Variants in MTUS1 observed in about 807,000 individuals in gnomAD.
MTUS1 encodes the protein microtubule-associated tumor suppressor 1.
Under a neutral mutation model 120.8 loss-of-function variants are expected in MTUS1, and 109 were observed. That is an observed-to-expected ratio of 0.90 (90% CI 0.77 to 1.06). The LOEUF is 1.06. Among genes scored for constraint, MTUS1 ranks in the 50% least tolerant of loss-of-function variants. MTUS1 has a pLI of 0.00. For missense variants in MTUS1, 2,210 were observed against 1,486.3 expected, an observed-to-expected ratio of 1.49 and a Z score of -8.01; for synonymous variants, 737 against 550.5, an observed-to-expected ratio of 1.34 and a Z score of -4.74.
chr8:17,756,354 C>T (rs1391291403), intron 1 of MTUS1, among the ~76,000 whole-genome samples: 1 of 152,152 alleles, frequency 6.6e-6, no homozygotes, highest in Non-Finnish European at 1.5e-5. Context: ...CAAAGTATGT[C>T]TGTTGTCCCA....
intron 2 of MTUS1, among the ~76,000 whole-genome samples, chr8:17,752,736 T>A (rs1032083900): frequency 6.6e-6 from 1 of 152,148 alleles, no homozygotes; most frequent in Non-Finnish European, 1.5e-5. Context: ...GGACAGGCTG[T>A]CTGTGTCACA....
intron 1 of MTUS1, among the ~76,000 whole-genome samples, chr8:17,790,330 A>G (rs1230124341): frequency 1.4e-5 from 2 of 145,264 alleles, no homozygotes; most frequent in African/African-American, 2.5e-5. Flanking sequence ...CCTGGGTGAC[A>G]GAGCAAGATT....
At chr8:17,758,553 C>T (rs1340468246) in intron 1 of MTUS1, among the ~76,000 whole-genome samples, 1 of 152,160 alleles carries the variant, frequency 6.6e-6, no homozygotes, top group East Asian at 1.9e-4. Context: ...GTATAAAATA[C>T]ATCCAAGCTA....
At position 17,645,065 on chromosome 8, in the gene MTUS1, AGTTAGTTT is replaced by A. The variant is rs951026769; in HGVS notation, c.*853_*860del. 11 of 151,558 alleles carry A rather than the reference AGTTAGTTT, an allele frequency of 7.3e-5. No individual in the cohort carries two copies. Among genetic ancestry groups the A allele is most frequent in the South Asian group, 4.2e-4 (2 of 4,774 alleles). 9.4% of individuals were successfully genotyped at this position (151,558 alleles called of 1,614,324 possible). A position where few individuals can be genotyped will look rare whatever the true frequency, so the allele number is the denominator to read the frequency against. ...TTTTTCTTTCTTTACACAGTTAGTT[AGTTAGTTT>A]GTTTTTTTATAGAAAAATTAGGGTT... On this transcript the variant is annotated 3_prime_UTR_variant, in exon 15 of 15. Transcript: ENST00000693296.
intron 8 of MTUS1, among the ~76,000 whole-genome samples, chr8:17,665,239 C>A (rs1332742764): frequency 6.6e-6 from 1 of 152,154 alleles, no homozygotes; most frequent in South Asian, 2.1e-4. Context: ...TCTGATTACT[C>A]CTGGGCATTA....
At chr8:17,674,993 A>C (rs1563179635) in intron 8 of MTUS1, 193 bp downstream of exon 8, 1 of 1,402,998 alleles carries the variant, frequency 7.1e-7, no homozygotes, top group African/African-American at 1.4e-5. Context: ...CAGTGCCAGG[A>C]ATTCTGTGAA....
At chr8:17,674,156 G>A (rs550722624) in intron 8 of MTUS1, among the ~76,000 whole-genome samples, 4 of 152,212 alleles carry the variant, frequency 2.6e-5, no homozygotes, top group East Asian at 3.9e-4. Context: ...AGGGAGTGTC[G>A]GCTGGGTGCG....
At chr8:17,649,537 G>A (rs1806530566) in intron 13 of MTUS1, among the ~76,000 whole-genome samples, 1 of 152,118 alleles carries the variant, frequency 6.6e-6, no homozygotes, top group Non-Finnish European at 1.5e-5. Flanking sequence ...ATTTTACATA[G>A]ATATTTAAAC....
At chr8:17,647,944 A>C (rs543530360) in intron 13 of MTUS1, among the ~76,000 whole-genome samples, 1 of 152,296 alleles carries the variant, frequency 6.6e-6, no homozygotes, top group East Asian at 1.9e-4. Context: ...GATTGTTCTT[A>C]AGACATCCTG....
chr8:17,666,274 T>C (rs892167866), intron 8 of MTUS1, among the ~76,000 whole-genome samples: 11 of 140,624 alleles, frequency 7.8e-5, no homozygotes, highest in African/African-American at 2.9e-4. Flanking sequence ...AATCAAGAGT[T>C]TCAATGTAAA....
rs374830258 is a variant in MTUS1 at position 17,754,900 on chromosome 8, T to G, written c.908A>C (p.Asn303Thr). Residue 303 changes from asparagine to threonine, a missense_variant, in exon 2 of 15, where the codon AAT becomes ACT. By Grantham distance (65) the Asn-to-Thr change is moderately conservative. Coordinates refer to ENST00000693296, the MANE Select transcript of MTUS1 (RefSeq NM_001363059.2). ...AAAGAACTCTTGTAATGCAGAATCA[T>G]TGGGGACTTCCATGCCATCAGAAAC... ...TPVSDGMEVP[N>T]DSALQEFFCL... The G allele has an allele frequency of 4.3e-6, 7 of 1,614,104 alleles. No individual in the cohort carries two copies. Among genetic ancestry groups the G allele is most frequent in the Admixed American group, 1.7e-5 (1 of 60,008 alleles).
At chr8:17,715,730 C>G (rs753313107) in intron 5 of MTUS1, 37 bp downstream of exon 5, 1 of 1,574,014 alleles carries the variant, frequency 6.4e-7, no homozygotes, top group Non-Finnish European at 8.6e-7. Context: ...CTTTAAGCGT[C>G]TTGCCCTCCC....
intron 1 of MTUS1, among the ~76,000 whole-genome samples, chr8:17,799,939 GAAAA>G (rs55838213): frequency 6.9e-6 from 1 of 144,198 alleles, no homozygotes; most frequent in African/African-American, 2.5e-5. Flanking sequence ...TATTGCCTAT[GAAAA>G]AAAAAAAATC....
At chr8:17,705,456 A>T (rs1170530900) in intron 6 of MTUS1, among the ~76,000 whole-genome samples, 1 of 152,246 alleles carries the variant, frequency 6.6e-6, no homozygotes, top group East Asian at 1.9e-4. Flanking sequence ...AAAAAGATCT[A>T]GCTCCTGCTA....
chr8:17,765,618 C>CAAAAAA (rs3039983), intron 1 of MTUS1, among the ~76,000 whole-genome samples: 1 of 94,468 alleles, frequency 1.1e-5, no homozygotes, highest in African/African-American at 4.5e-5. Flanking sequence ...GACTCTGTCT[C>CAAAAAA]AAAAAAAAAA....
intron 6 of MTUS1, among the ~76,000 whole-genome samples, chr8:17,693,805 G>A (rs530861289): frequency 6.6e-6 from 1 of 152,286 alleles, no homozygotes; most frequent in African/African-American, 2.4e-5. Flanking sequence ...TGAAGGCAGG[G>A]TCCATGTGGG....
chr8:17,720,361 A>C (rs2045740531), intron 4 of MTUS1, among the ~76,000 whole-genome samples: 1 of 151,954 alleles, frequency 6.6e-6, no homozygotes, highest in Non-Finnish European at 1.5e-5. Flanking sequence ...AAAAAAAACA[A>C]AAAACAAAAA....
At chr8:17,677,841 A>G (rs1001609893) in intron 7 of MTUS1, among the ~76,000 whole-genome samples, 4 of 152,176 alleles carry the variant, frequency 2.6e-5, no homozygotes, top group African/African-American at 9.7e-5. Flanking sequence ...AAATGCATAG[A>G]CCATTTACCC....
chr8:17,794,699 A>AT (rs2052076704), intron 1 of MTUS1, among the ~76,000 whole-genome samples: 1 of 152,246 alleles, frequency 6.6e-6, no homozygotes, highest in African/African-American at 2.4e-5. Flanking sequence ...CAACGAAATG[A>AT]TTAACAGTAT....
Sources: gnomAD v4.1 joint callset for allele counts (sites outside exome capture counted in the v4.1 genomes callset) on GRCh38, gnomAD v4.1.1 for gene constraint, MANE v1.5 for transcripts, NCBI Gene and HGNC (gene_info 2026-07-23, HGNC 2026-07-21) for gene names.